PCDH17: variants seen among roughly 807,000 people sequenced by gnomAD.
The protein encoded by PCDH17 is protocadherin 17, also known as protocadherin-17.
PCDH17 carries 21 observed loss-of-function variants against 67.7 expected under a neutral mutation model. The observed-to-expected ratio is 0.31, with a 90% CI of 0.22 to 0.45. PCDH17 has a LOEUF of 0.45. Ranked by LOEUF, PCDH17 falls within the 20% of genes least tolerant of loss-of-function variation. The probability of loss-of-function intolerance (pLI) is 1.00; values close to 1 mark genes in which losing one functional copy is unlikely to be tolerated. For synonymous variants in PCDH17, 701 were observed against 656.7 expected, an observed-to-expected ratio of 1.07 and a Z score of -1.03; for missense variants, 1,471 against 1,564.8, an observed-to-expected ratio of 0.94 and a Z score of 1.01.
chr13:57,670,326 C>T (rs913120153), intron 3 of PCDH17, among the ~76,000 whole-genome samples: 7 of 151,608 alleles, frequency 4.6e-5, no homozygotes. Flanking sequence ...ATGATGACAG[C>T]CATATCCAAA....
At chr13:57,718,083 CTTGA>C (rs961160644) in intron 3 of PCDH17, among the ~76,000 whole-genome samples, 1 of 151,888 alleles carries the variant, frequency 6.6e-6, no homozygotes, top group African/African-American at 2.4e-5. Context: ...ATATTAGTTA[CTTGA>C]TTAAGAAACA....
intron 1 of PCDH17, among the ~76,000 whole-genome samples, chr13:57,659,339 AG>A (rs767177194): frequency 6.6e-6 from 1 of 152,152 alleles, no homozygotes; most frequent in Non-Finnish European, 1.5e-5. Flanking sequence ...GAAATTCATT[AG>A]AAATTAGACT....
At chr13:57,721,517 T>C (rs2138102537) in intron 3 of PCDH17, among the ~76,000 whole-genome samples, 1 of 152,278 alleles carries the variant, frequency 6.6e-6, no homozygotes, top group South Asian at 2.1e-4. Context: ...CTTAGAACTG[T>C]AGGGCTTAAG....
intron 3 of PCDH17, among the ~76,000 whole-genome samples, chr13:57,699,049 A>G (rs1955637969): frequency 6.6e-6 from 1 of 151,768 alleles, no homozygotes; most frequent in Non-Finnish European, 1.5e-5. Context: ...GAAGTATTAG[A>G]GATAACGGCA....
Position 57,633,818 on chromosome 13 carries a change from G to A in PCDH17, c.1272G>A (p.Val424=). The change falls in exon 1 of 4, where the codon GTG becomes GTA. Residue 424 remains valine, a synonymous_variant. Coordinates refer to ENST00000377918, the MANE Select transcript of PCDH17 (RefSeq NM_001040429.3). The surrounding 1 kb of genome is among the most constrained non-coding windows in gnomAD (Gnocchi z 6.2). ...LEENYDNFYT[V]VTDRPLDRET... ...AGAACTACGACAACTTCTACACGGT[G>A]GTGACTGACCGCCCGCTGGACCGCG... is the stretch of plus-strand genomic sequence containing the variant. 6.2e-7 allele frequency: 1 copy of A among 1,611,824 alleles called. No individual in the cohort carries two copies. The highest frequency in any genetic ancestry group is 8.5e-7 in the Non-Finnish European group (1 of 1,179,970).
At chr13:57,637,404 T>C (rs1363968136) in intron 1 of PCDH17, among the ~76,000 whole-genome samples, 1 of 151,990 alleles carries the variant, frequency 6.6e-6, no homozygotes, top group East Asian at 1.9e-4. Context: ...ATATTAATTA[T>C]GGGGAGCAGA....
rs1955898876 is a variant in PCDH17, at chr13:57,724,766, T to C, written c.2952T>C (p.Thr984=). ...FVPTVEANVE[T]ETYETVNPTG... ...CTACAGTTGAAGCTAATGTTGAGAC[T>C]GAGACTTACGAAACTGTGAATCCCA... Residue 984 remains threonine, a synonymous_variant, in exon 4 of 4, where the codon ACT becomes ACC. Transcript: ENST00000377918. 6.2e-7 allele frequency: 1 copy of C among 1,614,078 alleles called. No individual in the cohort carries two copies. The highest frequency in any genetic ancestry group is 8.5e-7 in the Non-Finnish European group (1 of 1,180,044).
At chr13:57,641,479 G>C (rs1191793667) in intron 1 of PCDH17, among the ~76,000 whole-genome samples, 2 of 144,856 alleles carry the variant, frequency 1.4e-5, no homozygotes, top group East Asian at 4.1e-4. Context: ...TTGTGGCTCT[G>C]TGGGTGGCAT....
At chr13:57,677,380 A>G (rs907147500) in intron 3 of PCDH17, among the ~76,000 whole-genome samples, 1 of 151,926 alleles carries the variant, frequency 6.6e-6, no homozygotes, top group Non-Finnish European at 1.5e-5. Flanking sequence ...TACTTATTCA[A>G]TGAAGATTTC....
rs562791782 is a variant in PCDH17, at chr13:57,646,531, C to G, written c.2565+11420C>G. On this transcript the variant is annotated intron_variant, in intron 1 of 3. Coordinates refer to ENST00000377918, the MANE Select transcript of PCDH17 (RefSeq NM_001040429.3). Reference sequence around the variant, plus strand: ...TTACATTTTAAAATCCATATCAAACCATAAGGAGGTTTTACAGAATAAAAG... The same window carrying G: ...TTACATTTTAAAATCCATATCAAACGATAAGGAGGTTTTACAGAATAAAAG... 8.6e-5 allele frequency among the ~76,000 whole-genome samples: 13 copies of G among 151,464 alleles called. No individual in the cohort carries two copies. The South Asian group carries it at 2.7e-3, about 31-fold the overall frequency.
Position 57,634,466 on chromosome 13 carries a change from G to A in PCDH17, c.1920G>A (p.Pro640=), listed in dbSNP as rs746150021. 9.8e-5 allele frequency: 158 copies of A among 1,612,726 alleles called. No individual in the cohort carries two copies. Among genetic ancestry groups the A allele is most frequent in the Non-Finnish European group, 1.3e-4 (149 of 1,179,994 alleles). ...GNDDHLFEID[P]SSGEIRTLHP... ...ACGACCACCTGTTTGAGATCGACCC[G>A]TCCAGCGGCGAGATCCGCACGCTGC... The change falls in exon 1 of 4, where the codon CCG becomes CCA. Residue 640 remains proline, a synonymous_variant. Transcript: ENST00000377918. The surrounding 1 kb of genome is among the most constrained non-coding windows in gnomAD (Gnocchi z 7.8).
chr13:57,710,886 A>C (rs1306526309), intron 3 of PCDH17, among the ~76,000 whole-genome samples: 1 of 152,016 alleles, frequency 6.6e-6, no homozygotes, highest in Non-Finnish European at 1.5e-5. Context: ...AGCTTTAAAC[A>C]GACAAGGTTA....
rs1406220986 is a variant in PCDH17, at chr13:57,726,475, GTT to G, written c.*1184_*1185del. The stretch of plus-strand genomic sequence containing the variant: ...CCTTGGTAGCTGTCGAACTCTATGA[GTT>G]TTGTTTTTTCCTGCTTCCTTTTCCC... On this transcript the variant is annotated 3_prime_UTR_variant, in exon 4 of 4. Transcript: ENST00000377918. 3 of 152,650 alleles carry G rather than the reference GTT, an allele frequency of 2.0e-5. No homozygotes were observed. Among genetic ancestry groups the G allele is most frequent in the Non-Finnish European group, 4.4e-5 (3 of 68,036 alleles). The allele number at this position is 152,650 out of a possible 1,614,324, so 9.5% of individuals were successfully genotyped here.
intron 1 of PCDH17, among the ~76,000 whole-genome samples, chr13:57,637,855 A>G (rs1213622363): frequency 6.6e-6 from 1 of 152,048 alleles, no homozygotes; most frequent in Non-Finnish European, 1.5e-5. Flanking sequence ...TGTGGGTCAA[A>G]GGGCCTAAAA....
At chr13:57,695,342 C>T (rs1384896311) in intron 3 of PCDH17, among the ~76,000 whole-genome samples, 1 of 150,256 alleles carries the variant, frequency 6.7e-6, no homozygotes, top group Non-Finnish European at 1.5e-5. Context: ...TAGCATAAAC[C>T]CTTGGTTTTG....
chr13:57,643,661 A>G, intron 1 of PCDH17, among the ~76,000 whole-genome samples: 1 of 151,690 alleles, frequency 6.6e-6, no homozygotes, highest in East Asian at 1.9e-4. Flanking sequence ...AAGTCATACA[A>G]AAAAGATAAA....
chr13:57,663,427 T>C (rs968476884), intron 1 of PCDH17, among the ~76,000 whole-genome samples: 1 of 152,184 alleles, frequency 6.6e-6, no homozygotes, highest in Non-Finnish European at 1.5e-5. Context: ...AGTATAGTGT[T>C]GTAAAATATC....
In PCDH17 at chr13:57,687,048, A is replaced by G. The variant is rs540033078; in HGVS notation, c.2797+20215A>G. ...TAGGAAGTTTCCCAACTGCCAGGCC[A>G]TCACTAAATGAGTAATCTCTAATAT... On this transcript the variant is annotated intron_variant, in intron 3 of 3. Transcript: ENST00000377918. 1.5e-3 allele frequency among the ~76,000 whole-genome samples: 222 copies of G among 152,192 alleles called. 3 individuals are homozygous for G. The highest frequency in any genetic ancestry group is 2.5e-3 in the Non-Finnish European group (168 of 67,968).
intron 3 of PCDH17, among the ~76,000 whole-genome samples, chr13:57,678,633 T>C (rs751329701): frequency 6.6e-6 from 1 of 151,528 alleles, no homozygotes; most frequent in Non-Finnish European, 1.5e-5. Context: ...TAAGCACTTA[T>C]ATAAATGACA....
Sources: gnomAD v4.1 joint callset for allele counts (sites outside exome capture counted in the v4.1 genomes callset) on GRCh38, gnomAD v4.1.1 for gene constraint, Gnocchi (gnomAD v3.1) non-coding constraint, MANE v1.5 for transcripts, NCBI Gene and HGNC (gene_info 2026-07-23, HGNC 2026-07-21) for gene names.